PRKAG2: variants seen among roughly 807,000 people sequenced by gnomAD.
PRKAG2 encodes 5'-AMP-activated protein kinase subunit gamma-2.
In PRKAG2, 26 loss-of-function variants were observed where a neutral mutation model predicts 69.6. That is an observed-to-expected ratio of 0.37 (90% CI 0.27 to 0.52). The LOEUF (loss-of-function observed/expected upper bound fraction) is 0.52. Among genes scored for constraint, PRKAG2 ranks in the 20% least tolerant of loss-of-function variants. The pLI, the probability that PRKAG2 is intolerant of heterozygous loss-of-function variation, is 0.90. For missense variants in PRKAG2, 557 were observed against 740.0 expected, an observed-to-expected ratio of 0.75 and a Z score of 2.87; for synonymous variants, 293 against 285.0, an observed-to-expected ratio of 1.03 and a Z score of -0.28.
At chr7:151,701,554 G>A (rs1837682472) in intron 3 of PRKAG2, among the ~76,000 whole-genome samples, 1 of 152,164 alleles carries the variant, frequency 6.6e-6, no homozygotes, top group Admixed American at 6.5e-5. Flanking sequence ...CAAAGAATAA[G>A]GATTGCCGGC....
intron 1 of PRKAG2, among the ~76,000 whole-genome samples, chr7:151,811,218 C>T (rs2078404822): frequency 2.0e-5 from 3 of 152,206 alleles, no homozygotes; most frequent in Non-Finnish European, 2.9e-5. Context: ...CCAGGACAGG[C>T]CACGGCTGAC....
Position 151,689,821 on chromosome 7 carries a change from G to A in PRKAG2, c.467-14184C>T, listed in dbSNP as rs114250350. Among the ~76,000 whole-genome samples, 791 of 152,258 alleles carry A rather than the reference G, an allele frequency of 5.2e-3. 7 individuals are homozygous for A. Among genetic ancestry groups the A allele is most frequent in the African/African-American group, 0.018 (764 of 41,564 alleles). Reference sequence around the variant, plus strand: ...TGAGACGGGTTGGGGAGGCTGGGACGGTGTCCAGACTGCCGCCTCTGCCCC... The same window carrying A: ...TGAGACGGGTTGGGGAGGCTGGGACAGTGTCCAGACTGCCGCCTCTGCCCC... On this transcript the variant is annotated intron_variant, in intron 3 of 15. Transcript: ENST00000287878.
At chr7:151,563,389 T>G (rs936277789) in intron 14 of PRKAG2, among the ~76,000 whole-genome samples, 1 of 152,196 alleles carries the variant, frequency 6.6e-6, no homozygotes, top group African/African-American at 2.4e-5. Context: ...AGTTACTAGA[T>G]TATTTGCTAT....
At chr7:151,628,736 C>T (rs1823644504) in intron 5 of PRKAG2, among the ~76,000 whole-genome samples, 1 of 138,904 alleles carries the variant, frequency 7.2e-6, no homozygotes, top group Non-Finnish European at 1.6e-5. Flanking sequence ...ATGGGCAAGG[C>T]TTCTCATACA....
At chr7:151,585,138 C>T (rs1009477914) in intron 6 of PRKAG2, among the ~76,000 whole-genome samples, 4 of 152,240 alleles carry the variant, frequency 2.6e-5, no homozygotes, top group Non-Finnish European at 2.9e-5. Context: ...AAATTTCTCT[C>T]GATCAGCACT....
intron 6 of PRKAG2, among the ~76,000 whole-genome samples, chr7:151,588,659 G>A (rs569894082): frequency 5.3e-5 from 8 of 152,084 alleles, no homozygotes; most frequent in Non-Finnish European, 1.0e-4. Context: ...CGCACCCAGC[G>A]ATCTGATGGT....
At chr7:151,707,689 G>A (rs1838856682) in intron 3 of PRKAG2, among the ~76,000 whole-genome samples, 1 of 152,266 alleles carries the variant, frequency 6.6e-6, no homozygotes, top group East Asian at 1.9e-4. Flanking sequence ...GGGAGAACTG[G>A]GTCCTCACCA....
chr7:151,853,252 C>G (rs758180502), intron 1 of PRKAG2, among the ~76,000 whole-genome samples: 2 of 151,852 alleles, frequency 1.3e-5, no homozygotes, highest in East Asian at 3.9e-4. Context: ...GCAGCTGGGT[C>G]GACACAGCAA....
At chr7:151,803,143 A>C (rs2077930518) in intron 1 of PRKAG2, among the ~76,000 whole-genome samples, 1 of 151,818 alleles carries the variant, frequency 6.6e-6, no homozygotes, top group South Asian at 2.1e-4. Context: ...TTTTTAGTAG[A>C]GATGGGGTTT....
At chr7:151,629,300 G>C (rs1295493368) in intron 5 of PRKAG2, among the ~76,000 whole-genome samples, 1 of 152,180 alleles carries the variant, frequency 6.6e-6, no homozygotes, top group Non-Finnish European at 1.5e-5. Context: ...AGCAGGAGCG[G>C]CCCCTGTGCT....
intron 1 of PRKAG2, among the ~76,000 whole-genome samples, chr7:151,800,505 C>T (rs73160017): frequency 0.16 from 24,579 of 152,174 alleles, 2,239 homozygotes; most frequent in East Asian, 0.28. Context: ...CTCCCAGCAC[C>T]GCAATGACAC....
At position 151,588,142 on chromosome 7, in the gene PRKAG2, G is replaced by T. The variant is rs574156238; in HGVS notation, c.864+7203C>A. 5.4e-4 allele frequency among the ~76,000 whole-genome samples: 82 copies of T among 152,216 alleles called. 2 individuals carry two copies. In the South Asian group the frequency reaches 0.015, roughly 27 times the overall value. ...TCCTAGGGTGTGAGGATTCCATTATGAAGTTTTATTTATTTTTGGGCCTCT... is the reference window on the plus strand; with the variant it reads ...TCCTAGGGTGTGAGGATTCCATTATTAAGTTTTATTTATTTTTGGGCCTCT... On this transcript the variant is annotated intron_variant, in intron 6 of 15. Transcript: ENST00000287878.
chr7:151,738,466 T>C (rs954660478), intron 3 of PRKAG2, among the ~76,000 whole-genome samples: 1 of 152,282 alleles, frequency 6.6e-6, no homozygotes, highest in African/African-American at 2.4e-5. Context: ...TCTGCAGCAC[T>C]GTGACATGTT....
In PRKAG2 at chr7:151,684,399, G is replaced by C. The variant is rs540686164; in HGVS notation, c.467-8762C>G. Among the ~76,000 whole-genome samples, 4 of 152,342 alleles carry C rather than the reference G, an allele frequency of 2.6e-5. No homozygotes were observed. The South Asian group carries it at 8.3e-4, about 32-fold the overall frequency. The stretch of plus-strand genomic sequence containing the variant: ...GCTCTGGGGCCAGAAACCTGGGCTG[G>C]ACCCTAAGTCACCACTCGCCAGCTA... On this transcript the variant is annotated intron_variant, in intron 3 of 15. Coordinates refer to ENST00000287878, the MANE Select transcript of PRKAG2 (RefSeq NM_016203.4).
intron 3 of PRKAG2, among the ~76,000 whole-genome samples, chr7:151,710,725 G>A (rs962649035): frequency 1.2e-4 from 19 of 152,110 alleles, no homozygotes; most frequent in African/African-American, 3.9e-4. Flanking sequence ...GTCACTATCC[G>A]CCCAGATACA....
chr7:151,706,121 C>G (rs949905266), intron 3 of PRKAG2, among the ~76,000 whole-genome samples: 1 of 152,202 alleles, frequency 6.6e-6, no homozygotes, highest in Non-Finnish European at 1.5e-5. Flanking sequence ...TGACTCAGCA[C>G]AGCAGATATG....
At chr7:151,649,219 A>G (rs1828061883) in intron 4 of PRKAG2, among the ~76,000 whole-genome samples, 1 of 152,072 alleles carries the variant, frequency 6.6e-6, no homozygotes, top group African/African-American at 2.4e-5. Context: ...TCCACCTCCC[A>G]GGTTCAAACG....
intron 6 of PRKAG2, among the ~76,000 whole-genome samples, chr7:151,591,152 C>T (rs1813026375): frequency 6.6e-6 from 1 of 152,240 alleles, no homozygotes; most frequent in Admixed American, 6.5e-5. Flanking sequence ...GTGAACTTGT[C>T]ACTGCAGCAG....
intron 4 of PRKAG2, among the ~76,000 whole-genome samples, chr7:151,668,746 T>C (rs1409250967): frequency 6.6e-6 from 1 of 152,234 alleles, no homozygotes; most frequent in Non-Finnish European, 1.5e-5. Flanking sequence ...GGATCTCATC[T>C]GCAACCACAT....
Sources: gnomAD v4.1 joint callset for allele counts (sites outside exome capture counted in the v4.1 genomes callset) on GRCh38, gnomAD v4.1.1 for gene constraint, MANE v1.5 for transcripts, NCBI Gene and HGNC (gene_info 2026-07-23, HGNC 2026-07-21) for gene names.